Variants in GABRB2 observed in about 807,000 individuals in gnomAD.
The protein encoded by GABRB2 is gamma-aminobutyric acid receptor subunit beta-2.
Under a neutral mutation model 54.7 loss-of-function variants are expected in GABRB2, and 16 were observed. The observed-to-expected ratio is 0.29, with a 90% CI of 0.20 to 0.44. GABRB2 has a LOEUF of 0.44. GABRB2 is among the 20% of genes least tolerant of loss of function. The pLI, the probability that GABRB2 is intolerant of heterozygous loss-of-function variation, is 1.00. For missense variants in GABRB2, 355 were observed against 644.0 expected, an observed-to-expected ratio of 0.55 and a Z score of 4.86; for synonymous variants, 244 against 233.8, an observed-to-expected ratio of 1.04 and a Z score of -0.40.
chr5:161,518,204 A>G (rs1299551633), intron 3 of GABRB2, among the ~76,000 whole-genome samples: 1 of 152,254 alleles, frequency 6.6e-6, no homozygotes, highest in Non-Finnish European at 1.5e-5. Context: ...TTCTATTCTT[A>G]ACATTTTATA....
chr5:161,507,544 TTATC>T (rs1305308881), intron 3 of GABRB2, among the ~76,000 whole-genome samples: 1 of 151,930 alleles, frequency 6.6e-6, no homozygotes, highest in Non-Finnish European at 1.5e-5. Flanking sequence ...AGGAGAAAAT[TTATC>T]TATATGTAAA....
intron 3 of GABRB2, among the ~76,000 whole-genome samples, chr5:161,462,774 A>G (rs946951350): frequency 6.6e-6 from 1 of 152,114 alleles, no homozygotes; most frequent in East Asian, 1.9e-4. Flanking sequence ...GATTTCATTT[A>G]TTTTCAAATA....
intron 5 of GABRB2, among the ~76,000 whole-genome samples, chr5:161,383,476 A>C (rs547918495): frequency 6.6e-6 from 1 of 152,128 alleles, no homozygotes; most frequent in African/African-American, 2.4e-5. Flanking sequence ...AAGTATTATC[A>C]CTTCATGCCA....
Position 161,510,253 on chromosome 5 carries a change from C to A in GABRB2, c.237+34974G>T, listed in dbSNP as rs932096895. ...ATTATTTTCCTCCCCCAGCTCCCCC[C>A]CAACCTCCCCAGCCTCTAGTAATCA... On this transcript the variant is annotated intron_variant, in intron 3 of 9. Coordinates refer to ENST00000393959, the MANE Select transcript of GABRB2 (RefSeq NM_001371727.1). Among the ~76,000 whole-genome samples, 6 of 151,742 alleles carry A rather than the reference C, an allele frequency of 4.0e-5. No individual in the cohort carries two copies. In the South Asian group the frequency reaches 1.0e-3, roughly 26 times the overall value.
intron 3 of GABRB2, among the ~76,000 whole-genome samples, chr5:161,472,300 T>G (rs377331548): frequency 3.2e-4 from 48 of 151,942 alleles, no homozygotes; most frequent in East Asian, 2.1e-3. Flanking sequence ...TTAGCCCGTG[T>G]TCTTAGTACT....
chr5:161,368,989 T>C (rs1223890784), intron 5 of GABRB2, among the ~76,000 whole-genome samples: 5 of 152,198 alleles, frequency 3.3e-5, no homozygotes, highest in Non-Finnish European at 5.9e-5. Flanking sequence ...GAATCAGTTT[T>C]ATTAGATCTT....
At chr5:161,444,840 T>C (rs1240649165) in intron 4 of GABRB2, among the ~76,000 whole-genome samples, 1 of 152,200 alleles carries the variant, frequency 6.6e-6, no homozygotes, top group African/African-American at 2.4e-5. Context: ...TTTGATTTAA[T>C]GCTTCTCTTT....
intron 3 of GABRB2, among the ~76,000 whole-genome samples, chr5:161,537,332 C>T (rs1760669771): frequency 1.3e-5 from 2 of 152,130 alleles, no homozygotes; most frequent in South Asian, 4.1e-4. Flanking sequence ...TATATAACTG[C>T]TTCCTAATTT....
At chr5:161,368,116 GACAC>G (rs11467721) in intron 5 of GABRB2, among the ~76,000 whole-genome samples, 1,478 of 144,974 alleles carry the variant, frequency 0.01, 18 homozygotes, top group Middle Eastern at 0.028. Context: ...CTCCCTCTCT[GACAC>G]ACACACACAC....
chr5:161,415,880 T>C (rs1282168256), intron 4 of GABRB2, among the ~76,000 whole-genome samples: 1 of 152,172 alleles, frequency 6.6e-6, no homozygotes, highest in Non-Finnish European at 1.5e-5. Flanking sequence ...CCCAAAGTGC[T>C]AGGATTACAG....
At chr5:161,486,028 T>C (rs1187666175) in intron 3 of GABRB2, among the ~76,000 whole-genome samples, 2 of 151,910 alleles carry the variant, frequency 1.3e-5, no homozygotes, top group Non-Finnish European at 2.9e-5. Context: ...TAACCCCTTG[T>C]TATTTTAATT....
chr5:161,301,163 C>T (rs252982), intron 9 of GABRB2, among the ~76,000 whole-genome samples: 14,858 of 152,126 alleles, frequency 0.098, 947 homozygotes, highest in Non-Finnish European at 0.14. Flanking sequence ...TTCCCAATTA[C>T]CAAACTATAC....
At chr5:161,314,731 C>T (rs1757974245) in intron 9 of GABRB2, among the ~76,000 whole-genome samples, 1 of 151,858 alleles carries the variant, frequency 6.6e-6, no homozygotes, top group African/African-American at 2.4e-5. Flanking sequence ...TTGTTCTTTC[C>T]CTCCCTCCTT....
intron 3 of GABRB2, among the ~76,000 whole-genome samples, chr5:161,536,425 T>C (rs1760636304): frequency 6.6e-6 from 1 of 152,212 alleles, no homozygotes; most frequent in Admixed American, 6.5e-5. Context: ...CTCCACTTTA[T>C]GCTTCCTGAG....
At chr5:161,406,583 C>A (rs1756354074) in intron 5 of GABRB2, among the ~76,000 whole-genome samples, 1 of 151,962 alleles carries the variant, frequency 6.6e-6, no homozygotes, top group Non-Finnish European at 1.5e-5. Flanking sequence ...TGGACCAAAG[C>A]AATGTGTTAG....
intron 9 of GABRB2, among the ~76,000 whole-genome samples, chr5:161,318,119 A>G (rs890769491): frequency 2.0e-5 from 3 of 152,008 alleles, no homozygotes; most frequent in African/African-American, 7.2e-5. Context: ...GAAAGTAACC[A>G]TGTGCTTTAA....
At chr5:161,467,674 A>C (rs1321170688) in intron 3 of GABRB2, among the ~76,000 whole-genome samples, 2 of 152,098 alleles carry the variant, frequency 1.3e-5, no homozygotes, top group Non-Finnish European at 2.9e-5. Context: ...AAAGATTGGA[A>C]TACCAAACTA....
chr5:161,458,097 T>A (rs926050660), intron 4 of GABRB2, among the ~76,000 whole-genome samples: 1 of 152,206 alleles, frequency 6.6e-6, no homozygotes, highest in African/African-American at 2.4e-5. Context: ...TTTAAAAATA[T>A]TAAACTACAG....
chr5:161,524,509 T>C (rs973866205), intron 3 of GABRB2, among the ~76,000 whole-genome samples: 16 of 151,644 alleles, frequency 1.1e-4, no homozygotes, highest in South Asian at 2.1e-4. Flanking sequence ...TGAGATTCCA[T>C]TGTTGTGACT....
Sources: allele counts gnomAD v4.1 joint callset (sites outside exome capture counted in the v4.1 genomes callset), GRCh38; gene constraint gnomAD v4.1.1; transcripts MANE v1.5; gene names NCBI Gene and HGNC (gene_info 2026-07-23, HGNC 2026-07-21).